The following CACNA1C variants were observed in gnomAD, a reference collection of about 807,000 sequenced individuals.
CACNA1C encodes the protein calcium voltage-gated channel subunit alpha1 C.
CACNA1C carries 30 observed loss-of-function variants against 229.0 expected under a neutral mutation model. The observed-to-expected ratio is 0.13, with a 90% CI of 0.10 to 0.18. The LOEUF is 0.18. Among genes scored for constraint, CACNA1C ranks in the 10% least tolerant of loss-of-function variants. CACNA1C has a pLI of 1.00. For synonymous variants in CACNA1C, 1,114 were observed against 1,132.5 expected (o/e 0.98, Z 0.33); for missense variants, 1,658 against 2,845.0 (o/e 0.58, Z 9.49).
intron 3 of CACNA1C, among the ~76,000 whole-genome samples, chr12:2,321,588 A>C (rs2096001997): frequency 6.6e-6 from 1 of 152,216 alleles, no homozygotes; most frequent in East Asian, 1.9e-4. Flanking sequence ...ATGTGTGAGC[A>C]TGTGTGTGGG....
intron 1 of CACNA1C, among the ~76,000 whole-genome samples, chr12:2,003,090 C>T (rs2042561010): frequency 1.3e-5 from 2 of 152,140 alleles, no homozygotes; most frequent in African/African-American, 2.4e-5. Flanking sequence ...TGCCCCATTC[C>T]GGCAAATTTC....
At chr12:2,417,236 C>T (rs932719964) in intron 3 of CACNA1C, among the ~76,000 whole-genome samples, 1 of 152,200 alleles carries the variant, frequency 6.6e-6, no homozygotes, top group Non-Finnish European at 1.5e-5. Context: ...CCATACTCTG[C>T]GATGCGGGTT....
intron 1 of CACNA1C, among the ~76,000 whole-genome samples, chr12:2,081,672 G>A (rs1348837700): frequency 6.6e-6 from 1 of 152,050 alleles, no homozygotes; most frequent in Non-Finnish European, 1.5e-5. Flanking sequence ...GCTTAATAAA[G>A]AAGCATTAAT....
chr12:2,218,668 T>C (rs977695106), intron 3 of CACNA1C, among the ~76,000 whole-genome samples: 2 of 152,192 alleles, frequency 1.3e-5, no homozygotes, highest in African/African-American at 4.8e-5. Flanking sequence ...AAATGCTATA[T>C]TTAATTTCAC....
chr12:2,171,696 G>T (rs753088353), intron 3 of CACNA1C, among the ~76,000 whole-genome samples: 23 of 152,194 alleles, frequency 1.5e-4, no homozygotes, highest in Admixed American at 1.4e-3. Context: ...TGGTGCTATG[G>T]CAGGAAGAGA....
At chr12:2,587,705 G>T (rs1462412567) in intron 18 of CACNA1C, among the ~76,000 whole-genome samples, 3 of 152,138 alleles carry the variant, frequency 2.0e-5, no homozygotes, top group Non-Finnish European at 4.4e-5. Context: ...GGATGCTTAC[G>T]CTTTCCAGCT....
At chr12:2,618,072 G>A (rs2081507620) in intron 29 of CACNA1C, among the ~76,000 whole-genome samples, 1 of 152,238 alleles carries the variant, frequency 6.6e-6, no homozygotes, top group East Asian at 1.9e-4. Flanking sequence ...TTTGGAGGCT[G>A]AGGGTCCGGA....
At chr12:2,542,607 C>T (rs993106220) in intron 9 of CACNA1C, among the ~76,000 whole-genome samples, 2 of 152,222 alleles carry the variant, frequency 1.3e-5, no homozygotes, top group African/African-American at 4.8e-5. Flanking sequence ...GGGCAATCTA[C>T]ACAATGGCTT....
intron 3 of CACNA1C, among the ~76,000 whole-genome samples, chr12:2,193,203 C>G (rs2097295199): frequency 6.6e-6 from 1 of 152,328 alleles, no homozygotes; most frequent in South Asian, 2.1e-4. Flanking sequence ...GCCTGAAATT[C>G]CAGCACTTTG....
At chr12:2,294,533 G>C (rs888266604) in intron 3 of CACNA1C, among the ~76,000 whole-genome samples, 1 of 152,026 alleles carries the variant, frequency 6.6e-6, no homozygotes, top group African/African-American at 2.4e-5. Context: ...AGGAACCATC[G>C]CGGTAGGCCT....
At position 2,551,487 on chromosome 12, in the gene CACNA1C, A is replaced by G. The variant is rs546066205; in HGVS notation, c.1481+1454A>G. On this transcript the variant is annotated intron_variant, in intron 10 of 46. Coordinates refer to ENST00000399655, the MANE Select transcript of CACNA1C (RefSeq NM_000719.7). Reference sequence around the variant, plus strand: ...ATACAGAACGCTGAGTCACAGTGCCAGAATTATAATATGCCCCGAATAAAA... The same window carrying G: ...ATACAGAACGCTGAGTCACAGTGCCGGAATTATAATATGCCCCGAATAAAA... Among the ~76,000 whole-genome samples the G allele has an allele frequency of 6.6e-5, 10 of 152,324 alleles. No individual in the cohort carries two copies. In the East Asian group the frequency reaches 1.9e-3, roughly 29 times the overall value.
At chr12:2,326,553 T>C (rs1237982778) in intron 3 of CACNA1C, among the ~76,000 whole-genome samples, 1 of 152,202 alleles carries the variant, frequency 6.6e-6, no homozygotes, top group Admixed American at 6.5e-5. Flanking sequence ...GGGCTGCCAC[T>C]GCCCTTGGAC....
Position 2,695,901 on chromosome 12 carries a change from A to C in CACNA1C, c.*4702A>C, listed in dbSNP as rs1369390458. 1.3e-5 allele frequency: 2 copies of C among 152,134 alleles called. No individual in the cohort carries two copies. The highest frequency in any genetic ancestry group is 2.9e-5 in the Non-Finnish European group (2 of 68,044). 9.4% of individuals were successfully genotyped at this position (152,134 alleles called of 1,614,324 possible). A position where few individuals can be genotyped will look rare whatever the true frequency, so the allele number is the denominator to read the frequency against. On this transcript the variant is annotated 3_prime_UTR_variant, in exon 47 of 47. Transcript: ENST00000399655. Reference sequence around the variant, plus strand: ...GGGGGATGCTTGAACAACCCCCCTCACTACACAGACACACACCGTTAAGGC... The same window carrying C: ...GGGGGATGCTTGAACAACCCCCCTCCCTACACAGACACACACCGTTAAGGC...
chr12:2,589,143 C>T (rs2063933036), intron 18 of CACNA1C, among the ~76,000 whole-genome samples: 1 of 152,172 alleles, frequency 6.6e-6, no homozygotes, highest in Non-Finnish European at 1.5e-5. Flanking sequence ...TAATGTGTGC[C>T]AGGCACTGTG....
chr12:2,004,509 G>A (rs935791428), intron 1 of CACNA1C: 1 of 1,516,226 alleles, frequency 6.6e-7, no homozygotes, highest in South Asian at 1.3e-5. Flanking sequence ...GAGCTGCCTC[G>A]CAACCGAGAA....
intron 3 of CACNA1C, among the ~76,000 whole-genome samples, chr12:2,448,745 T>TG (rs1160732746): frequency 2.2e-5 from 3 of 136,584 alleles, no homozygotes; most frequent in Non-Finnish European, 3.2e-5. Flanking sequence ...TACATGTTCA[T>TG]GGGGGAACTT....
intron 29 of CACNA1C, among the ~76,000 whole-genome samples, chr12:2,622,776 G>T (rs185329070): frequency 6.6e-6 from 1 of 151,930 alleles, no homozygotes; most frequent in Non-Finnish European, 1.5e-5. Flanking sequence ...CTCTCTCCTC[G>T]CTCTGCCCAC....
intron 3 of CACNA1C, among the ~76,000 whole-genome samples, chr12:2,336,960 T>C (rs1235145638): frequency 6.6e-6 from 1 of 152,136 alleles, no homozygotes; most frequent in African/African-American, 2.4e-5. Flanking sequence ...AAGCAACAGA[T>C]TGGTGTTTTC....
intron 1 of CACNA1C, among the ~76,000 whole-genome samples, chr12:2,022,891 A>G (rs1403117379): frequency 6.6e-6 from 1 of 152,202 alleles, no homozygotes; most frequent in Non-Finnish European, 1.5e-5. Flanking sequence ...GTACTTAAAT[A>G]AATCATTCAT....
Sources: gnomAD v4.1 joint callset for allele counts (sites outside exome capture counted in the v4.1 genomes callset) on GRCh38, gnomAD v4.1.1 for gene constraint, MANE v1.5 for transcripts, NCBI Gene and HGNC (gene_info 2026-07-23, HGNC 2026-07-21) for gene names.